Variants in PHACTR1 observed in about 807,000 individuals in gnomAD.
PHACTR1 encodes the protein phosphatase and actin regulator 1, also known as RPEL repeat containing 1.
Under a neutral mutation model 69.2 loss-of-function variants are expected in PHACTR1, and 16 were observed. The observed-to-expected ratio is 0.23, with a 90% CI of 0.16 to 0.35. The LOEUF (loss-of-function observed/expected upper bound fraction) is 0.35, where lower values mean the gene tolerates loss of function less well. Among genes scored for constraint, PHACTR1 ranks in the 10% least tolerant of loss-of-function variants. The pLI is 1.00. For synonymous variants in PHACTR1, 312 were observed against 284.5 expected, an observed-to-expected ratio of 1.10 and a Z score of -0.97; for missense variants, 510 against 734.7, an observed-to-expected ratio of 0.69 and a Z score of 3.54.
chr6:13,193,412 G>A (rs997776114), intron 7 of PHACTR1, among the ~76,000 whole-genome samples: 16 of 122,330 alleles, frequency 1.3e-4, no homozygotes, highest in Non-Finnish European at 3.0e-4. Flanking sequence ...GTTGAGATGC[G>A]GTCTCACTAT....
At chr6:13,272,984 C>T (rs967008398) in intron 11 of PHACTR1, 69 bp downstream of exon 11, 5 of 1,591,022 alleles carry the variant, frequency 3.1e-6, no homozygotes, top group Admixed American at 3.5e-5. Context: ...AATGGTAGGC[C>T]ACAAGGTTTC....
intron 4 of PHACTR1, among the ~76,000 whole-genome samples, chr6:12,767,259 G>T (rs372289778): frequency 9.2e-5 from 14 of 152,276 alleles, no homozygotes; most frequent in African/African-American, 3.4e-4. Context: ...CAGCTGGCAA[G>T]GTGCATCTGG....
At chr6:13,119,099 C>T (rs1818262116) in intron 5 of PHACTR1, among the ~76,000 whole-genome samples, 1 of 152,122 alleles carries the variant, frequency 6.6e-6, no homozygotes, top group Non-Finnish European at 1.5e-5. Context: ...TCTTTATCTA[C>T]CTCATAAAAA....
At chr6:13,064,497 A>G (rs1808189404) in intron 5 of PHACTR1, among the ~76,000 whole-genome samples, 2 of 143,862 alleles carry the variant, frequency 1.4e-5, no homozygotes, top group South Asian at 2.2e-4. Flanking sequence ...CAAATGGTAT[A>G]ATAAGCAAAT....
intron 13 of PHACTR1, among the ~76,000 whole-genome samples, chr6:13,284,438 A>G (rs1266321452): frequency 1.4e-5 from 2 of 143,638 alleles, no homozygotes; most frequent in East Asian, 4.3e-4. Flanking sequence ...AATTGCTTGA[A>G]CCCAGGAGGT....
At chr6:13,269,828 C>A (rs893662813) in intron 10 of PHACTR1, among the ~76,000 whole-genome samples, 20 of 152,130 alleles carry the variant, frequency 1.3e-4, no homozygotes, top group Admixed American at 6.5e-5. Context: ...AAGCTAAACT[C>A]TGTCTCAAAA....
intron 5 of PHACTR1, among the ~76,000 whole-genome samples, chr6:13,114,394 C>T (rs1418222573): frequency 6.6e-6 from 1 of 152,164 alleles, no homozygotes; most frequent in East Asian, 1.9e-4. Context: ...TCTCTCCAGG[C>T]TCAGGTAATC....
intron 3 of PHACTR1, among the ~76,000 whole-genome samples, chr6:12,744,623 AC>A (rs1449010385): frequency 5.3e-5 from 8 of 152,158 alleles, no homozygotes; most frequent in Non-Finnish European, 8.8e-5. Flanking sequence ...CTTGGATTTC[AC>A]CCAAGAAAGA....
intron 4 of PHACTR1, among the ~76,000 whole-genome samples, chr6:12,986,099 G>T (rs996470714): frequency 9.9e-5 from 15 of 152,186 alleles, no homozygotes; most frequent in African/African-American, 3.6e-4. Context: ...GTCTCTCAAA[G>T]TGCTGGGATT....
chr6:13,208,000 G>A (rs543658396), intron 8 of PHACTR1, among the ~76,000 whole-genome samples: 2 of 151,992 alleles, frequency 1.3e-5, no homozygotes, highest in South Asian at 2.1e-4. Context: ...TTGATTGTTT[G>A]GTGTTAACAC....
At chr6:13,049,339 C>T (rs997894155) in intron 4 of PHACTR1, among the ~76,000 whole-genome samples, 1 of 152,088 alleles carries the variant, frequency 6.6e-6, no homozygotes, top group Admixed American at 6.5e-5. Context: ...ACCCAGTTAT[C>T]TACTCAGTAA....
Position 13,283,692 on chromosome 6 carries a change from A to G in PHACTR1, c.1650+130A>G, listed in dbSNP as rs416831. The G allele has an allele frequency of 0.15, 198,189 of 1,353,272 alleles. 23,881 individuals are homozygous for G. The highest frequency in any genetic ancestry group is 0.57 in the African/African-American group (40,251 of 70,430). The allele number at this position is 1,353,272 out of a possible 1,614,324, so 83.8% of individuals were successfully genotyped here. ...CCGCAGTCCCCATAATGGAGTGTTG[A>G]GACCCCAACACCTTTCCCCAGGGGC... On this transcript the variant is annotated intron_variant, in intron 13 of 14. Coordinates refer to ENST00000332995, the MANE Select transcript of PHACTR1 (RefSeq NM_030948.6). The surrounding 1 kb of genome is among the most constrained non-coding windows in gnomAD (Gnocchi z 4.7).
At chr6:13,281,011 T>G in intron 12 of PHACTR1, 1 of 1,289,670 alleles carries the variant, frequency 7.8e-7, no homozygotes. Context: ...AGCAGCCAGC[T>G]GCATCCTCGC....
rs74346982 is a variant in PHACTR1, at chr6:12,810,196, A to G, written c.250+60406A>G. 3.3e-4 allele frequency among the ~76,000 whole-genome samples: 51 copies of G among 152,340 alleles called. No homozygotes were observed. In the East Asian group the frequency reaches 9.6e-3, roughly 29 times the overall value. On this transcript the variant is annotated intron_variant, in intron 4 of 14. Transcript: ENST00000332995. ...GATTATTTTTCTCTTCATATAATAT[A>G]CACATTTCAAAGTTAGGTATTTTCA...
At position 12,805,468 on chromosome 6, in the gene PHACTR1, C is replaced by T. The variant is rs77763547; in HGVS notation, c.250+55678C>T. ...AGCCTCCACTTAGTCACCTCCCTTT[C>T]GTTGTACTTCCATCTCTGACGTCTG... On this transcript the variant is annotated intron_variant, in intron 4 of 14. Transcript: ENST00000332995. Among the ~76,000 whole-genome samples the T allele has an allele frequency of 1.1e-3, 160 of 152,300 alleles. 5 individuals are homozygous for T. The East Asian group carries it at 0.03, about 29-fold the overall frequency.
intron 4 of PHACTR1, among the ~76,000 whole-genome samples, chr6:12,865,375 A>G (rs149243332): frequency 2.0e-4 from 31 of 152,332 alleles, no homozygotes; most frequent in African/African-American, 6.5e-4. Context: ...AATTTGACAA[A>G]TACCAGCAAG....
At chr6:13,131,939 C>T (rs1753554) in intron 5 of PHACTR1, among the ~76,000 whole-genome samples, 10,225 of 152,190 alleles carry the variant, frequency 0.067, 928 homozygotes, top group African/African-American at 0.2. Flanking sequence ...CATTCAAAAT[C>T]TGACTTTCAT....
chr6:13,134,063 C>T (rs11748482), intron 5 of PHACTR1, among the ~76,000 whole-genome samples: 46 of 151,614 alleles, frequency 3.0e-4, no homozygotes, highest in African/African-American at 1.1e-3. Flanking sequence ...TCTGCCCTGC[C>T]GCCCCGTCTG....
intron 4 of PHACTR1, among the ~76,000 whole-genome samples, chr6:12,813,636 G>A (rs1775260728): frequency 6.6e-6 from 1 of 152,134 alleles, no homozygotes; most frequent in Admixed American, 6.5e-5. Flanking sequence ...TGTGATAATA[G>A]CCTTGGAAAA....
Sources: allele counts gnomAD v4.1 joint callset (sites outside exome capture counted in the v4.1 genomes callset), GRCh38; gene constraint gnomAD v4.1.1; non-coding constraint Gnocchi (gnomAD v3.1); transcripts MANE v1.5; gene names NCBI Gene and HGNC (gene_info 2026-07-23, HGNC 2026-07-21).